ANK2: variants seen among roughly 807,000 people sequenced by gnomAD.
ANK2 encodes ankyrin-2.
A neutral mutation model predicts 360.5 loss-of-function variants in ANK2; 83 were observed. The ratio of observed to expected loss-of-function variants is 0.23; its 90% CI spans 0.19 to 0.28. The LOEUF is 0.28. ANK2 is among the 10% of genes least tolerant of loss of function. The pLI is 1.00. For missense variants in ANK2, 4,201 were observed against 4,795.7 expected (o/e 0.88, Z 3.66); for synonymous variants, 1,740 against 1,759.5 (o/e 0.99, Z 0.28).
chr4:113,311,360 A>T lies in ANK2; in HGVS notation c.2654A>T (p.Asn885Ile). ...AGCAGTCAGTTCCTGGATGGTATGA[A>T]TTACCTGCGATACAGCTTGGAGGGA... The part of the protein sequence containing the change: ...LPSSQFLDGM[N>I]YLRYSLEGGR... The change falls in exon 24 of 46, where the codon AAT becomes ATT. Residue 885 changes from asparagine to isoleucine, a missense_variant. By Grantham distance (149) the Asn-to-Ile change is moderately radical. Transcript: ENST00000357077. The T allele has an allele frequency of 6.2e-7, 1 of 1,614,120 alleles. No individual in the cohort carries two copies. Among genetic ancestry groups the T allele is most frequent in the Non-Finnish European group, 8.5e-7 (1 of 1,180,016 alleles).
chr4:113,266,029 A>G (rs965461567), intron 14 of ANK2, among the ~76,000 whole-genome samples: 1 of 152,164 alleles, frequency 6.6e-6, no homozygotes, highest in Non-Finnish European at 1.5e-5. Context: ...ACATAGGTAT[A>G]TATGTGCCAT....
chr4:113,315,730 C>T (rs1969447), intron 24 of ANK2, among the ~76,000 whole-genome samples: 1 of 151,492 alleles, frequency 6.6e-6, no homozygotes, highest in African/African-American at 2.4e-5. Context: ...AACCCTGTCT[C>T]TACTAAAAAT....
At chr4:113,196,151 C>A (rs2098744008) in intron 2 of ANK2, among the ~76,000 whole-genome samples, 1 of 152,140 alleles carries the variant, frequency 6.6e-6, no homozygotes, top group South Asian at 2.1e-4. Flanking sequence ...TTGCCAAAAT[C>A]CATGTTTCTA....
At chr4:112,779,397 T>A in the ANK2 span, among the ~76,000 whole-genome samples, 1 of 152,110 alleles carries the variant, frequency 6.6e-6, no homozygotes, top group Non-Finnish European at 1.5e-5. Context: ...TGGGCGCCTG[T>A]AGTCCCAGTT....
chr4:113,207,686 C>CAAAAAAAAAAAAAA (rs34818513), intron 4 of ANK2, among the ~76,000 whole-genome samples: 6 of 101,652 alleles, frequency 5.9e-5, no homozygotes, highest in East Asian at 2.9e-4. Context: ...GATCACAAAG[C>CAAAAAAAAAAAAAA]AAAAAAAAAA....
At chr4:112,880,356 A>G (rs533006097) in intron 1 of ANK2, 1 of 152,314 alleles carries the variant, frequency 6.6e-6, no homozygotes, top group Admixed American at 6.5e-5. Flanking sequence ...ATTCTTGTAA[A>G]GAATACCTCA....
chr4:113,262,469 A>G (rs986226645), intron 13 of ANK2, among the ~76,000 whole-genome samples: 1 of 152,044 alleles, frequency 6.6e-6, no homozygotes, highest in Non-Finnish European at 1.5e-5. Context: ...ACTTCAAGCA[A>G]TACTCCTGCC....
At chr4:113,316,411 A>G (rs10516594) in intron 24 of ANK2, among the ~76,000 whole-genome samples, 9,203 of 152,274 alleles carry the variant, frequency 0.06, 300 homozygotes, top group African/African-American at 0.085. Flanking sequence ...TTCCTCAAAG[A>G]CAATTGATGC....
At chr4:113,068,182 G>A (rs1483607877) in intron 1 of ANK2, among the ~76,000 whole-genome samples, 4 of 152,112 alleles carry the variant, frequency 2.6e-5, no homozygotes, top group Non-Finnish European at 5.9e-5. Flanking sequence ...GCCTTGATGA[G>A]CACATAAGTT....
chr4:112,732,445 T>C, the ANK2 span, among the ~76,000 whole-genome samples: 1 of 152,068 alleles, frequency 6.6e-6, no homozygotes, highest in African/African-American at 2.4e-5. Context: ...GGGAGTCTCC[T>C]TGTGTTGCCC....
At chr4:112,842,347 T>C (rs76966404) in intron 1 of ANK2, among the ~76,000 whole-genome samples, 2,681 of 152,314 alleles carry the variant, frequency 0.018, 88 homozygotes, top group African/African-American at 0.059. Flanking sequence ...CTGGTGCTTC[T>C]CTTAAAATAA....
At chr4:112,750,852 C>T in the ANK2 span, among the ~76,000 whole-genome samples, 82 of 152,156 alleles carry the variant, frequency 5.4e-4, 1 homozygote, top group Admixed American at 1.4e-3. Flanking sequence ...CTCAGCTTCC[C>T]GAGTAGCTGG....
intron 2 of ANK2, among the ~76,000 whole-genome samples, chr4:113,043,270 T>A (rs2063414094): frequency 6.6e-6 from 1 of 151,914 alleles, no homozygotes; most frequent in African/African-American, 2.4e-5. Context: ...TCCAAGGAGG[T>A]GGAACTACTA....
chr4:113,315,716 GT>G (rs2082439639), intron 24 of ANK2, among the ~76,000 whole-genome samples: 1 of 151,900 alleles, frequency 6.6e-6, no homozygotes, highest in Non-Finnish European at 1.5e-5. Flanking sequence ...GGCTAACACG[GT>G]GAAACCCTGT....
chr4:112,837,037 G>A (rs1029083201), intron 1 of ANK2, among the ~76,000 whole-genome samples: 14 of 152,336 alleles, frequency 9.2e-5, no homozygotes, highest in African/African-American at 2.4e-4. Context: ...TCCAAGGCAT[G>A]CCAGAGGTCT....
the ANK2 span, among the ~76,000 whole-genome samples, chr4:112,742,794 G>A: frequency 2.7e-5 from 4 of 150,930 alleles, no homozygotes; most frequent in African/African-American, 9.8e-5. Context: ...GCATGATCTC[G>A]GCTCACTGCA....
chr4:113,225,076 A>G (rs1294423791), intron 4 of ANK2, among the ~76,000 whole-genome samples: 2 of 152,112 alleles, frequency 1.3e-5, no homozygotes, highest in Admixed American at 1.3e-4. Flanking sequence ...CAAACACCAC[A>G]TCTTTTGAGA....
intron 1 of ANK2, among the ~76,000 whole-genome samples, chr4:113,109,470 T>C (rs1421290950): frequency 1.3e-5 from 2 of 152,214 alleles, no homozygotes; most frequent in Non-Finnish European, 2.9e-5. Context: ...TCGTTATTTA[T>C]TATTCTGCTC....
chr4:113,013,100 C>T (rs979617296), intron 2 of ANK2, among the ~76,000 whole-genome samples: 1 of 152,142 alleles, frequency 6.6e-6, no homozygotes, highest in African/African-American at 2.4e-5. Flanking sequence ...TTGTTTATCT[C>T]AGTGGTATTT....
Sources: gnomAD v4.1 joint callset for allele counts (sites outside exome capture counted in the v4.1 genomes callset) on GRCh38, gnomAD v4.1.1 for gene constraint, MANE v1.5 for transcripts, NCBI Gene and HGNC (gene_info 2026-07-23, HGNC 2026-07-21) for gene names.